Variants in CSMD1 observed in about 807,000 individuals in gnomAD.
CSMD1 encodes CUB and Sushi multiple domains 1, also known as CUB and sushi domain-containing protein 1.
A neutral mutation model predicts 417.5 loss-of-function variants in CSMD1; 213 were observed. The ratio of observed to expected loss-of-function variants is 0.51; its 90% CI spans 0.46 to 0.57. The LOEUF (loss-of-function observed/expected upper bound fraction) is 0.57. Among genes scored for constraint, CSMD1 ranks in the 20% least tolerant of loss-of-function variants. The pLI is 0.00. For synonymous variants in CSMD1, 2,862 were observed against 1,736.8 expected (o/e 1.65, Z -16.11); for missense variants, 6,923 against 4,529.7 (o/e 1.53, Z -15.17).
At position 3,422,476 on chromosome 8, in the gene CSMD1, T is replaced by C. The variant is rs1813557036; in HGVS notation, c.1562-12871A>G. Among the ~76,000 whole-genome samples, 8 of 152,118 alleles carry C rather than the reference T, an allele frequency of 5.3e-5. No individual in the cohort carries two copies. The South Asian group carries it at 1.7e-3, about 32-fold the overall frequency. Reference sequence around the variant, plus strand: ...ATATCATGTGCATTTCAGTAATTCTTATAATTGAGTCTGTCTGAAAGCATT... The same window carrying C: ...ATATCATGTGCATTTCAGTAATTCTCATAATTGAGTCTGTCTGAAAGCATT... On this transcript the variant is annotated intron_variant, in intron 12 of 69. Coordinates refer to ENST00000635120, the MANE Select transcript of CSMD1 (RefSeq NM_033225.6).
At chr8:4,195,482 C>G (rs1208827399) in intron 3 of CSMD1, among the ~76,000 whole-genome samples, 1 of 152,160 alleles carries the variant, frequency 6.6e-6, no homozygotes, top group Non-Finnish European at 1.5e-5. Flanking sequence ...CCTCGTGAGT[C>G]TCACCCTCTG....
intron 36 of CSMD1, among the ~76,000 whole-genome samples, chr8:3,182,236 C>G (rs1044708204): frequency 2.0e-5 from 3 of 152,150 alleles, no homozygotes; most frequent in Admixed American, 6.5e-5. Flanking sequence ...CTTAAACTAT[C>G]CAATATCCCC....
chr8:4,936,936 T>C (rs183395976), intron 1 of CSMD1, among the ~76,000 whole-genome samples: 48 of 152,358 alleles, frequency 3.2e-4, no homozygotes, highest in African/African-American at 1.2e-3. Flanking sequence ...TGTTGTCGGC[T>C]CTGGTGGCTC....
chr8:4,805,407 T>C (rs1798530901), intron 1 of CSMD1, among the ~76,000 whole-genome samples: 1 of 152,204 alleles, frequency 6.6e-6, no homozygotes, highest in Non-Finnish European at 1.5e-5. Context: ...TATTTCTTGG[T>C]CTTCATGTGA....
intron 9 of CSMD1, among the ~76,000 whole-genome samples, chr8:3,579,352 C>T (rs142197875): frequency 1.3e-5 from 2 of 152,148 alleles, no homozygotes; most frequent in East Asian, 3.9e-4. Flanking sequence ...AAAGTAATAA[C>T]TTATCTGTTT....
chr8:4,009,810 C>T (rs113601804), intron 4 of CSMD1, among the ~76,000 whole-genome samples: 22 of 152,092 alleles, frequency 1.4e-4, no homozygotes, highest in African/African-American at 5.1e-4. Context: ...ATCCCCCTCC[C>T]TCCTGTTCTC....
intron 2 of CSMD1, among the ~76,000 whole-genome samples, chr8:4,604,945 G>A (rs371034321): frequency 1.3e-4 from 20 of 152,158 alleles, no homozygotes; most frequent in African/African-American, 4.3e-4. Context: ...TGCCAGAGAT[G>A]TAATTTGTTC....
intron 1 of CSMD1, among the ~76,000 whole-genome samples, chr8:4,779,558 A>T (rs1367759002): frequency 6.6e-6 from 1 of 152,212 alleles, no homozygotes; most frequent in Non-Finnish European, 1.5e-5. Context: ...AATGTCAAGA[A>T]CAAAACGGAT....
chr8:4,553,411 C>T (rs1256371140), intron 2 of CSMD1, among the ~76,000 whole-genome samples: 1 of 151,440 alleles, frequency 6.6e-6, no homozygotes, highest in African/African-American at 2.4e-5. Context: ...TTAATTACTC[C>T]TGACAGGCAT....
intron 17 of CSMD1, 119 bp downstream of exon 17, chr8:3,396,075 A>G (rs745566376): frequency 9.9e-6 from 8 of 806,304 alleles, no homozygotes; most frequent in Non-Finnish European, 1.6e-5. Context: ...TGGTTTTGCT[A>G]GAGTCAAGCA....
At chr8:4,380,174 C>T (rs1027619973) in intron 3 of CSMD1, among the ~76,000 whole-genome samples, 11 of 152,118 alleles carry the variant, frequency 7.2e-5, no homozygotes, top group African/African-American at 2.7e-4. Flanking sequence ...CATGTAACTC[C>T]CTTAGGAGGG....
chr8:4,669,378 T>C (rs987823373), intron 1 of CSMD1, among the ~76,000 whole-genome samples: 5 of 152,250 alleles, frequency 3.3e-5, no homozygotes, highest in South Asian at 2.1e-4. Context: ...ATGAGATTTT[T>C]GGTAATCATA....
chr8:3,975,146 A>G (rs1036227479), intron 5 of CSMD1, among the ~76,000 whole-genome samples: 4 of 152,358 alleles, frequency 2.6e-5, no homozygotes. Context: ...AATGCAAACG[A>G]GAGGCATGCC....
chr8:4,584,456 G>T (rs566539900), intron 2 of CSMD1, among the ~76,000 whole-genome samples: 3 of 152,160 alleles, frequency 2.0e-5, no homozygotes, highest in African/African-American at 7.2e-5. Context: ...AGCGACTAGC[G>T]TGGCCGCCGG....
At chr8:4,350,643 G>A (rs186841342) in intron 3 of CSMD1, among the ~76,000 whole-genome samples, 3 of 152,328 alleles carry the variant, frequency 2.0e-5, no homozygotes, top group East Asian at 1.9e-4. Context: ...AGAATTGCGA[G>A]TTGACTCATG....
chr8:4,017,332 T>C lies in CSMD1; in HGVS notation c.610+14573A>G, dbSNP rs189870145. On this transcript the variant is annotated intron_variant, in intron 4 of 69. Coordinates refer to ENST00000635120, the MANE Select transcript of CSMD1 (RefSeq NM_033225.6). ...TCTTTTTAGGGGAGGGAGGACAAAG[T>C]TTCGCTCTTGTTGCCCAGGCTGGAG... is the stretch of plus-strand genomic sequence containing the variant. Among the ~76,000 whole-genome samples, 3 of 152,252 alleles carry C rather than the reference T, an allele frequency of 2.0e-5. No individual in the cohort carries two copies. The East Asian group carries it at 5.8e-4, about 29-fold the overall frequency.
At chr8:4,474,586 C>T (rs890713263) in intron 2 of CSMD1, among the ~76,000 whole-genome samples, 8 of 152,240 alleles carry the variant, frequency 5.3e-5, no homozygotes, top group African/African-American at 7.2e-5. Flanking sequence ...AACCTTTAGG[C>T]GGTGTTTCTG....
At chr8:3,011,612 A>G (rs1808388511) in intron 52 of CSMD1, among the ~76,000 whole-genome samples, 1 of 152,204 alleles carries the variant, frequency 6.6e-6, no homozygotes, top group Admixed American at 6.5e-5. Flanking sequence ...ATGCAAACTT[A>G]TTTCTAACAA....
At chr8:4,963,654 G>T (rs1275374211) in intron 1 of CSMD1, among the ~76,000 whole-genome samples, 1 of 152,156 alleles carries the variant, frequency 6.6e-6, no homozygotes, top group East Asian at 1.9e-4. Flanking sequence ...AATACGTGTA[G>T]TATGAATTTG....
Sources: allele counts gnomAD v4.1 joint callset (sites outside exome capture counted in the v4.1 genomes callset), GRCh38; gene constraint gnomAD v4.1.1; transcripts MANE v1.5; gene names NCBI Gene and HGNC (gene_info 2026-07-23, HGNC 2026-07-21).